Variants in PEX5 observed in about 807,000 individuals in gnomAD.
PEX5 encodes PTS1 receptor.
A neutral mutation model predicts 82.9 loss-of-function variants in PEX5; 52 were observed. That is an observed-to-expected ratio of 0.63 (90% confidence interval 0.50 to 0.79). The LOEUF is 0.79. Ranked by LOEUF, PEX5 falls within the 30% of genes least tolerant of loss-of-function variation. PEX5 has a pLI of 0.00. For missense variants in PEX5, 719 were observed against 815.2 expected, an observed-to-expected ratio of 0.88 and a Z score of 1.44; for synonymous variants, 300 against 318.8, an observed-to-expected ratio of 0.94 and a Z score of 0.63.
chr12:7,195,725 GAGTT>G (rs1591674215), intron 5 of PEX5, among the ~76,000 whole-genome samples: 2 of 151,284 alleles, frequency 1.3e-5, no homozygotes, highest in Admixed American at 1.3e-4. Context: ...CTCTAGTTGA[GAGTT>G]AGAAGTGTTT....
chr12:7,204,439 T>C (rs1944511893), intron 10 of PEX5, among the ~76,000 whole-genome samples: 1 of 152,170 alleles, frequency 6.6e-6, no homozygotes, highest in African/African-American at 2.4e-5. Context: ...AGGCTAGAGT[T>C]TGAGAGCCAG....
At position 7,202,355 on chromosome 12, in the gene PEX5, G is replaced by C. The variant is rs768226888; in HGVS notation, c.753+4G>C. 5.6e-6 allele frequency: 9 copies of C among 1,614,140 alleles called. No individual in the cohort carries two copies. Among genetic ancestry groups the C allele is most frequent in the Non-Finnish European group, 7.6e-6 (9 of 1,180,016 alleles). On this transcript the variant is annotated splice_donor_region_variant and intron_variant, in intron 8 of 15. Transcript: ENST00000675855. ...AGCAGAGTTTATACAGCAGCAGGTAGGACATTGTCACTTTCCAGTCCCACT... is the reference window on the plus strand; with the variant it reads ...AGCAGAGTTTATACAGCAGCAGGTACGACATTGTCACTTTCCAGTCCCACT...
chr12:7,197,319 G>A (rs1942802495), intron 5 of PEX5, among the ~76,000 whole-genome samples: 2 of 122,368 alleles, frequency 1.6e-5, no homozygotes, highest in East Asian at 4.2e-4. Flanking sequence ...GTAATCATAT[G>A]TCATATACAA....
Position 7,197,567 on chromosome 12 carries a change from T to C in PEX5, c.449-1444T>C, listed in dbSNP as rs200856606. ...TATATGTTATATATAATATAATAAG[T>C]AGTAATTACTTATTATTTATAATTA... On this transcript the variant is annotated intron_variant, in intron 5 of 15. Coordinates refer to ENST00000675855, the MANE Select transcript of PEX5 (RefSeq NM_001351132.2). Among the ~76,000 whole-genome samples the C allele has an allele frequency of 3.4e-5, 5 of 146,578 alleles. No homozygotes were observed. In the East Asian group the frequency reaches 9.8e-4, roughly 29 times the overall value.
In PEX5 at chr12:7,202,673, T is replaced by C. The variant is rs76708142; in HGVS notation, c.815T>C (p.Met272Thr). The C allele has an allele frequency of 7.1e-3, 11,493 of 1,613,998 alleles. 180 individuals are homozygous for C. The highest frequency in any genetic ancestry group is 0.06 in the African/African-American group (4,494 of 74,968). Residue 272 changes from methionine (M) to threonine (T), a missense_variant, in exon 9 of 16, where the codon ATG (methionine) becomes ACG (threonine). Transcript: ENST00000675855. Reference protein sequence around the residue: ...TRPVNTSALDMEFERAKSAIE... With the variant: ...TRPVNTSALDTEFERAKSAIE... ...CCAGTAAACACATCTGCCCTTGATA[T>C]GGAGTTTGAACGAGCCAAGTCAGCT...
chr12:7,207,710 G>C lies in PEX5; in HGVS notation c.1018G>C (p.Glu340Gln). ...CTTGCGTGATCACCCTCAGCCTTTT[G>C]AAGAAGGGCTGCGGCGCCTTCAGGA... ...NPLRDHPQPF[E>Q]EGLRRLQEGD... The change falls in exon 11 of 16, where the codon GAA becomes CAA. Residue 340 changes from glutamate to glutamine, a missense_variant. Transcript: ENST00000675855. 6.2e-7 allele frequency: 1 copy of C among 1,614,062 alleles called. No individual in the cohort carries two copies. The highest frequency in any genetic ancestry group is 2.2e-5 in the East Asian group (1 of 44,880).
At chr12:7,208,918 A>G (rs1451442895) in intron 13 of PEX5, 87 bp from the exon 14 acceptor site, 1 of 1,178,734 alleles carries the variant, frequency 8.5e-7, no homozygotes, top group Non-Finnish European at 1.3e-6. Flanking sequence ...TGTTGGGGAT[A>G]TGGTTGATCA....
chr12:7,215,615 T>C (rs1327115682), downstream of PEX5, among the ~76,000 whole-genome samples: 1 of 152,192 alleles, frequency 6.6e-6, no homozygotes, highest in African/African-American at 2.4e-5. Context: ...CTGGAGGCCA[T>C]TATCCTAAGC....
chr12:7,216,383 A>C (rs763955865), downstream of PEX5, among the ~76,000 whole-genome samples: 2 of 152,366 alleles, frequency 1.3e-5, no homozygotes, highest in East Asian at 3.9e-4. Flanking sequence ...ATTTCATTTA[A>C]TCTAGTATTT....
chr12:7,215,964 A>T (rs1433252442), downstream of PEX5, among the ~76,000 whole-genome samples: 6 of 151,728 alleles, frequency 4.0e-5, no homozygotes, highest in Non-Finnish European at 8.8e-5. Context: ...TATTAATTAA[A>T]TTAAAAAAAA....
chr12:7,191,457 T>C, intron 4 of PEX5, 99 bp downstream of exon 4: 1 of 1,598,558 alleles, frequency 6.3e-7, no homozygotes. Flanking sequence ...GGACCTGAGA[T>C]GCAGAAGGAG....
At chr12:7,217,653 A>T (rs1423430503) in intron 17 of PEX5, among the ~76,000 whole-genome samples, 1 of 152,228 alleles carries the variant, frequency 6.6e-6, no homozygotes, top group African/African-American at 2.4e-5. Context: ...CACAGGCAGG[A>T]GGTCAGACTG....
At chr12:7,206,444 C>T (rs1240095452) in intron 10 of PEX5, among the ~76,000 whole-genome samples, 1 of 152,190 alleles carries the variant, frequency 6.6e-6, no homozygotes, top group Non-Finnish European at 1.5e-5. Flanking sequence ...TTATCTGGCC[C>T]TTCGCAGAAA....
chr12:7,191,707 CTTG>C lies in PEX5; in HGVS notation c.448+10_448+12del. The C allele has an allele frequency of 6.2e-7, 1 of 1,612,900 alleles. No homozygotes were observed. The highest frequency in any genetic ancestry group is 8.5e-7 in the Non-Finnish European group (1 of 1,178,956). On this transcript the variant is annotated splice_region_variant and intron_variant, in intron 5 of 15. Coordinates refer to ENST00000675855, the MANE Select transcript of PEX5 (RefSeq NM_001351132.2). ...TTCATCTCTGAAGTTACAGGTGAAACTTGTTATGGGAAAATCTATATTGGCTTC... is the reference window on the plus strand; with the variant it reads ...TTCATCTCTGAAGTTACAGGTGAAACTTATGGGAAAATCTATATTGGCTTC...
At chr12:7,199,809 ACGGGGCGG>A in intron 6 of PEX5, among the ~76,000 whole-genome samples, 1 of 144,346 alleles carries the variant, frequency 6.9e-6, no homozygotes, top group African/African-American at 2.6e-5. Flanking sequence ...CACCTTCTGG[ACGGGGCGG>A]CTGGCCGGGC....
chr12:7,198,945 T>C (rs2136072515), intron 5 of PEX5, 66 bp from the exon 6 acceptor site: 1 of 886,402 alleles, frequency 1.1e-6, no homozygotes. Context: ...TGGGCATCTC[T>C]TTCCCTTTCC....
At chr12:7,213,071 A>G (rs1396650245), downstream of PEX5, among the ~76,000 whole-genome samples, 1 of 152,112 alleles carries the variant, frequency 6.6e-6, no homozygotes, top group Non-Finnish European at 1.5e-5. Flanking sequence ...TCAAGGAAAT[A>G]AAAGAGGATA....
At chr12:7,203,962 A>T (rs1024820617) in intron 10 of PEX5, among the ~76,000 whole-genome samples, 2 of 145,922 alleles carry the variant, frequency 1.4e-5, no homozygotes, top group Non-Finnish European at 3.1e-5. Flanking sequence ...TTTTAAACTC[A>T]CATATTCATT....
chr12:7,202,094 T>C, intron 7 of PEX5, 147 bp from the exon 8 acceptor site: 1 of 1,290,816 alleles, frequency 7.7e-7, no homozygotes, highest in South Asian at 1.2e-5. Context: ...CTTTTTGCTC[T>C]CTACCTCTTT....
Sources: allele counts gnomAD v4.1 joint callset (sites outside exome capture counted in the v4.1 genomes callset), GRCh38; gene constraint gnomAD v4.1.1; transcripts MANE v1.5; gene names NCBI Gene and HGNC (gene_info 2026-07-23, HGNC 2026-07-21).